Variants in PCDHB15 observed in about 807,000 individuals in gnomAD.
The protein encoded by PCDHB15 is protocadherin beta-15.
For missense variants in PCDHB15, 1,032 were observed against 991.7 expected (o/e 1.04, Z -0.55); for synonymous variants, 492 against 447.9 (o/e 1.10, Z -1.24).
At position 141,245,946 on chromosome 5, in the gene PCDHB15, T is replaced by C. The variant is rs1554291823; in HGVS notation, c.368T>C (p.Val123Ala). 1 of 1,614,186 alleles carries C rather than the reference T, an allele frequency of 6.2e-7. No homozygotes were observed. The highest frequency in any genetic ancestry group is 8.5e-7 in the Non-Finnish European group (1 of 1,180,038). Residue 123 changes from valine to alanine, a missense_variant, in exon 1 of 1, where the codon GTG becomes GCG. By Grantham distance (64) the Val-to-Ala change is moderately conservative (BLOSUM62 0). Coordinates refer to ENST00000231173, the MANE Select transcript of PCDHB15 (RefSeq NM_018935.4). ...GAAGTATTTCGAGCTGAACTACTAG[T>C]GACAGACATAAACGATCATTCTCCT... is the stretch of plus-strand genomic sequence containing the variant. ...PLEVFRAELL[V>A]TDINDHSPEF... is the part of the protein sequence containing the mutation.
In PCDHB15 at chr5:141,248,016, C is replaced by T; in HGVS notation, c.*74C>T. On this transcript the variant is annotated 3_prime_UTR_variant, in exon 1 of 1. Transcript: ENST00000231173. ...CTTTTCACCTTAGTTTTTTTTAACC[C>T]TTTAGTAATCTTGAATTCTACTTTT... The T allele has an allele frequency of 7.2e-7, 1 of 1,394,864 alleles. No homozygotes were observed. The highest frequency in any genetic ancestry group is 9.7e-7 in the Non-Finnish European group (1 of 1,036,034). The allele number at this position is 1,394,864 out of a possible 1,614,324, so 86.4% of individuals were successfully genotyped here.
Position 141,245,959 on chromosome 5 carries a change from C to A in PCDHB15, c.381C>A (p.Asn127Lys), listed in dbSNP as rs372571850. 1.9e-6 allele frequency: 3 copies of A among 1,614,142 alleles called. No individual in the cohort carries two copies. The highest frequency in any genetic ancestry group is 2.5e-6 in the Non-Finnish European group (3 of 1,180,046). The change falls in exon 1 of 1, where the codon AAC becomes AAA. Residue 127 changes from asparagine to lysine, a missense_variant. Asn to Lys is a moderately conservative substitution (Grantham distance 94). Coordinates refer to ENST00000231173, the MANE Select transcript of PCDHB15 (RefSeq NM_018935.4). ...CTGAACTACTAGTGACAGACATAAA[C>A]GATCATTCTCCTGAGTTTCCTGAAA... ...FRAELLVTDI[N>K]DHSPEFPERE...
rs782661365 is a variant in PCDHB15, at chr5:141,245,907, T to A, written c.329T>A (p.Leu110Gln). 5 of 1,614,168 alleles carry A rather than the reference T, an allele frequency of 3.1e-6. No homozygotes were observed. The highest frequency in any genetic ancestry group is 4.2e-6 in the Non-Finnish European group (5 of 1,180,028). The change falls in exon 1 of 1, where the codon CTG (leucine) becomes CAG (glutamine). Residue 110 changes from leucine (L) to glutamine (Q), a missense_variant. Coordinates refer to ENST00000231173, the MANE Select transcript of PCDHB15 (RefSeq NM_018935.4). Reference sequence around the variant, plus strand: ...TGTATAATGCATTTCCAAGTGTTACTGAAAAAACCTTTGGAAGTATTTCGA... The same window carrying A: ...TGTATAATGCATTTCCAAGTGTTACAGAAAAAACCTTTGGAAGTATTTCGA... Reference protein sequence around the residue: ...EPCIMHFQVLLKKPLEVFRAE... With the variant: ...EPCIMHFQVLQKKPLEVFRAE...
rs376420795 is a variant in PCDHB15 at position 141,247,831 on chromosome 5, C to G, written c.2253C>G (p.Tyr751Ter). The G allele has an allele frequency of 1.2e-6, 2 of 1,614,172 alleles. No individual in the cohort carries two copies. Among genetic ancestry groups the G allele is most frequent in the Non-Finnish European group, 1.7e-6 (2 of 1,180,028 alleles). The change falls in exon 1 of 1, where the codon TAC becomes TAG. Residue 751 changes from tyrosine (Y) to a stop codon, truncating the protein, a stop_gained. Transcript: ENST00000231173. LOFTEE classifies it low-confidence loss of function (END_TRUNC). ...GGACCCTTTCCCAGAGCTACCAGTA[C>G]GAGGTGTGTCTGACGGGAGGCTCTG... is the stretch of plus-strand genomic sequence containing the variant. ...GTGTLSQSYQ[Y>*]EVCLTGGSES...
rs200048407 is a variant in PCDHB15 at position 141,246,220 on chromosome 5, G to A, written c.642G>A (p.Ala214=). 6.2e-7 allele frequency: 1 copy of A among 1,614,146 alleles called. No homozygotes were observed. Among genetic ancestry groups the A allele is most frequent in the Admixed American group, 1.7e-5 (1 of 60,022 alleles). The change falls in exon 1 of 1, where the codon GCG becomes GCA. Residue 214 remains alanine (A), a synonymous_variant. Transcript: ENST00000231173. ...CCGAGCTCAGATTAACCTTGACAGC[G>A]GTGGACGGTGGCTCTCCACCCCGAT... ...EQAELRLTLT[A]VDGGSPPRSG...
In PCDHB15 at chr5:141,247,111, C is replaced by T. The variant is rs782437599; in HGVS notation, c.1533C>T (p.Gly511=). 6.2e-7 allele frequency: 1 copy of T among 1,614,014 alleles called. No homozygotes were observed. Among genetic ancestry groups the T allele is most frequent in the Non-Finnish European group, 8.5e-7 (1 of 1,179,964 alleles). Residue 511 remains glycine, a synonymous_variant, in exon 1 of 1, where the codon GGC becomes GGT. Transcript: ENST00000231173. ...TSLVSINTDN[G]HLFALQSLDY... is the part of the protein sequence containing the mutation. ...TGGTCTCCATTAACACGGACAACGG[C>T]CACCTGTTCGCTCTCCAGTCGCTGG... is the stretch of plus-strand genomic sequence containing the variant.
In PCDHB15 at chr5:141,247,175, G is replaced by A. The variant is rs1554292124; in HGVS notation, c.1597G>A (p.Ala533Thr). The change falls in exon 1 of 1, where the codon GCC becomes ACC. Residue 533 changes from alanine (A) to threonine (T), a missense_variant. By Grantham distance (58) the Ala-to-Thr change is moderately conservative. Coordinates refer to ENST00000231173, the MANE Select transcript of PCDHB15 (RefSeq NM_018935.4). ...ALQAFEFRVG[A>T]TDRGFPALSS... is the part of the protein sequence containing the mutation. ...GCAGGCTTTCGAGTTCCGCGTGGGC[G>A]CCACAGACCGCGGCTTCCCGGCGCT... 2 of 1,613,248 alleles carry A rather than the reference G, an allele frequency of 1.2e-6. No individual in the cohort carries two copies.
rs1554292372 is a variant in PCDHB15 at position 141,247,949 on chromosome 5, T to G, written c.*7T>G. ...ATCAGAATTTCTAGAATAATGTAGGTATCTGTAGCTTTCCGACCGTCTGTT... is the reference window on the plus strand; with the variant it reads ...ATCAGAATTTCTAGAATAATGTAGGGATCTGTAGCTTTCCGACCGTCTGTT... On this transcript the variant is annotated 3_prime_UTR_variant, in exon 1 of 1. Transcript: ENST00000231173. 1.9e-6 allele frequency: 3 copies of G among 1,568,022 alleles called. No homozygotes were observed. Among genetic ancestry groups the G allele is most frequent in the Non-Finnish European group, 1.7e-6 (2 of 1,157,210 alleles).
At position 141,245,752 on chromosome 5, in the gene PCDHB15, G is replaced by A. The variant is rs1564022386; in HGVS notation, c.174G>A (p.Glu58=). The A allele has an allele frequency of 6.2e-7, 1 of 1,614,202 alleles. No homozygotes were observed. Among genetic ancestry groups the A allele is most frequent in the East Asian group, 2.2e-5 (1 of 44,880 alleles). ...LANDLGLGVG[E]LAERGARVVS... is the part of the protein sequence containing the mutation. ...ATGACCTAGGGCTGGGAGTGGGGGA[G>A]CTAGCCGAGCGGGGAGCCCGGGTAG... The change falls in exon 1 of 1, where the codon GAG becomes GAA. Residue 58 remains glutamate, a synonymous_variant. Transcript: ENST00000231173.
Position 141,247,876 on chromosome 5 carries a change from C to A in PCDHB15, c.2298C>A (p.Phe766Leu). The part of the protein sequence containing the change: ...TGGSESNDFK[F>L]LKPIFPNIVS... Reference sequence around the variant, plus strand: ...GCTCTGAAAGTAATGATTTCAAGTTCTTGAAGCCTATATTCCCAAATATTG... The same window carrying A: ...GCTCTGAAAGTAATGATTTCAAGTTATTGAAGCCTATATTCCCAAATATTG... The change falls in exon 1 of 1, where the codon TTC (phenylalanine) becomes TTA (leucine). Residue 766 changes from phenylalanine (F) to leucine (L), a missense_variant. Coordinates refer to ENST00000231173, the MANE Select transcript of PCDHB15 (RefSeq NM_018935.4). 6.2e-7 allele frequency: 1 copy of A among 1,614,192 alleles called. No individual in the cohort carries two copies. Among genetic ancestry groups the A allele is most frequent in the Non-Finnish European group, 8.5e-7 (1 of 1,180,024 alleles).
Position 141,247,813 on chromosome 5 carries a change from T to C in PCDHB15, c.2235T>C (p.Leu745=). 3 of 1,614,186 alleles carry C rather than the reference T, an allele frequency of 1.9e-6. No individual in the cohort carries two copies. Among genetic ancestry groups the C allele is most frequent in the Non-Finnish European group, 2.5e-6 (3 of 1,180,020 alleles). Reference sequence around the variant, plus strand: ...TGGACGTGAGCGGCACCGGGACCCTTTCCCAGAGCTACCAGTACGAGGTGT... The same window carrying C: ...TGGACGTGAGCGGCACCGGGACCCTCTCCCAGAGCTACCAGTACGAGGTGT... ...HLVDVSGTGT[L]SQSYQYEVCL... is the part of the protein sequence containing the mutation. Residue 745 remains leucine, a synonymous_variant, in exon 1 of 1, where the codon CTT becomes CTC. Transcript: ENST00000231173.
chr5:141,245,473 T>C lies in PCDHB15; in HGVS notation c.-106T>C. On this transcript the variant is annotated 5_prime_UTR_variant, in exon 1 of 1. Transcript: ENST00000231173. ...TCCGGAGAATGCTATTCTCCTACAT[T>C]TCCGAACAGGTTATCAACGCACAGA... 1 of 945,848 alleles carries C rather than the reference T, an allele frequency of 1.1e-6. No homozygotes were observed. Among genetic ancestry groups the C allele is most frequent in the Non-Finnish European group, 1.6e-6 (1 of 630,410 alleles). The allele number at this position is 945,848 out of a possible 1,614,324, so 58.6% of individuals were successfully genotyped here.
At position 141,246,782 on chromosome 5, in the gene PCDHB15, A is replaced by G. The variant is rs1554292015; in HGVS notation, c.1204A>G (p.Arg402Gly). 2 of 1,614,182 alleles carry G rather than the reference A, an allele frequency of 1.2e-6. No homozygotes were observed. The highest frequency in any genetic ancestry group is 1.7e-6 in the Non-Finnish European group (2 of 1,180,030). Residue 402 changes from arginine to glycine, a missense_variant, in exon 1 of 1, where the codon AGG (arginine) becomes GGG (glycine). Coordinates refer to ENST00000231173, the MANE Select transcript of PCDHB15 (RefSeq NM_018935.4). ...AAAACCTTCTGTTGAGAATTTCTAC[A>G]GGCTGGTAACAGAAGGGGCGCTGGA... ...KLKPSVENFY[R>G]LVTEGALDRE...
In PCDHB15 at chr5:141,245,838, A is replaced by G. The variant is rs782298944; in HGVS notation, c.260A>G (p.Asn87Ser). Residue 87 changes from asparagine to serine, a missense_variant, in exon 1 of 1, where the codon AAT becomes AGT. Physicochemically the swap from Asn to Ser is conservative, Grantham distance 46. Transcript: ENST00000231173. ...CTGCAGACCGGGCAGTTGATATTAA[A>G]TGAGAAGCTGGACCGGGAGAAGCTG... The part of the protein sequence containing the change: ...LDLQTGQLIL[N>S]EKLDREKLCG... 9.3e-6 allele frequency: 15 copies of G among 1,614,084 alleles called. No individual in the cohort carries two copies. Among genetic ancestry groups the G allele is most frequent in the Non-Finnish European group, 1.3e-5 (15 of 1,180,042 alleles).
rs1336630810 is a variant in PCDHB15 at position 141,246,936 on chromosome 5, A to G, written c.1358A>G (p.Gln453Arg). Residue 453 changes from glutamine (Q) to arginine (R), a missense_variant, in exon 1 of 1, where the codon CAA becomes CGA. Physicochemically the swap from Gln to Arg is conservative, Grantham distance 43 (BLOSUM62 1). Coordinates refer to ENST00000231173, the MANE Select transcript of PCDHB15 (RefSeq NM_018935.4). ...DVNDNAPAFT[Q>R]TSYTLFVREN... ...AATGACAACGCCCCCGCCTTCACCCAAACCTCCTACACCCTGTTCGTCCGC... is the reference window on the plus strand; with the variant it reads ...AATGACAACGCCCCCGCCTTCACCCGAACCTCCTACACCCTGTTCGTCCGC... 1 of 1,613,412 alleles carries G rather than the reference A, an allele frequency of 6.2e-7. No individual in the cohort carries two copies. Among genetic ancestry groups the G allele is most frequent in the East Asian group, 2.2e-5 (1 of 44,850 alleles).
Position 141,245,517 on chromosome 5 carries a change from C to T in PCDHB15, c.-62C>T. On this transcript the variant is annotated 5_prime_UTR_variant, in exon 1 of 1. Transcript: ENST00000231173. ...GCACAGATCGATCACTGCCTCTGTCCCATCGCTCCCTGAAGTAGCTCTGAC... is the reference window on the plus strand; with the variant it reads ...GCACAGATCGATCACTGCCTCTGTCTCATCGCTCCCTGAAGTAGCTCTGAC... 1 of 1,428,394 alleles carries T rather than the reference C, an allele frequency of 7.0e-7. No homozygotes were observed. The highest frequency in any genetic ancestry group is 9.7e-7 in the Non-Finnish European group (1 of 1,030,502). 88.5% of individuals were successfully genotyped at this position (1,428,394 alleles called of 1,614,324 possible). A position where few individuals can be genotyped will look rare whatever the true frequency, so the allele number is the denominator to read the frequency against.
Position 141,247,852 on chromosome 5 carries a change from C to G in PCDHB15, c.2274C>G (p.Gly758=). The G allele has an allele frequency of 6.2e-7, 1 of 1,614,206 alleles. No homozygotes were observed. Among genetic ancestry groups the G allele is most frequent in the East Asian group, 2.2e-5 (1 of 44,878 alleles). The change falls in exon 1 of 1, where the codon GGC becomes GGG. Residue 758 remains glycine (G), a synonymous_variant. Coordinates refer to ENST00000231173, the MANE Select transcript of PCDHB15 (RefSeq NM_018935.4). ...SYQYEVCLTG[G]SESNDFKFLK... The stretch of plus-strand genomic sequence containing the variant: ...AGTACGAGGTGTGTCTGACGGGAGG[C>G]TCTGAAAGTAATGATTTCAAGTTCT...
In PCDHB15 at chr5:141,245,468, T is replaced by C; in HGVS notation, c.-111T>C. 1 of 893,578 alleles carries C rather than the reference T, an allele frequency of 1.1e-6. No individual in the cohort carries two copies. The highest frequency in any genetic ancestry group is 1.7e-6 in the Non-Finnish European group (1 of 586,676). 55.4% of individuals were successfully genotyped at this position (893,578 alleles called of 1,614,324 possible). On this transcript the variant is annotated 5_prime_UTR_variant, in exon 1 of 1. Coordinates refer to ENST00000231173, the MANE Select transcript of PCDHB15 (RefSeq NM_018935.4). ...GTGTCTCCGGAGAATGCTATTCTCC[T>C]ACATTTCCGAACAGGTTATCAACGC...
rs1411774350 is a variant in PCDHB15 at position 141,246,550 on chromosome 5, C to A, written c.972C>A (p.Gly324=). 6.2e-7 allele frequency: 1 copy of A among 1,614,062 alleles called. No individual in the cohort carries two copies. Among genetic ancestry groups the A allele is most frequent in the East Asian group, 2.2e-5 (1 of 44,876 alleles). The part of the protein sequence containing the change: ...SYDLDIEASD[G]GGLSGKCSVS... ...ATCTAGATATAGAGGCATCTGATGGCGGGGGACTTTCTGGAAAATGCTCTG... is the reference window on the plus strand; with the variant it reads ...ATCTAGATATAGAGGCATCTGATGGAGGGGGACTTTCTGGAAAATGCTCTG... Residue 324 remains glycine (G), a synonymous_variant, in exon 1 of 1, where the codon GGC becomes GGA. Transcript: ENST00000231173.
Sources: allele counts gnomAD v4.1 joint callset, GRCh38; gene constraint gnomAD v4.1.1; transcripts MANE v1.5; gene names NCBI Gene and HGNC (gene_info 2026-07-23, HGNC 2026-07-21).